The following CMTR1 variants were observed in gnomAD, a reference collection of about 807,000 sequenced individuals.
The protein encoded by CMTR1 is cap-specific mRNA (nucleoside-2'-O-)-methyltransferase 1.
In CMTR1, 39 loss-of-function variants were observed where a neutral mutation model predicts 107.0. The observed-to-expected ratio is 0.36, with a 90% CI of 0.28 to 0.48. CMTR1 has a LOEUF of 0.48. CMTR1 is among the 20% of genes least tolerant of loss of function. CMTR1 has a pLI of 0.99. For synonymous variants in CMTR1, 366 were observed against 379.5 expected (o/e 0.96, Z 0.41); for missense variants, 672 against 1,064.9 (o/e 0.63, Z 5.14).
intron 5 of CMTR1, among the ~76,000 whole-genome samples, chr6:37,451,305 A>G (rs960250190): frequency 1.3e-5 from 2 of 152,174 alleles, no homozygotes; most frequent in Non-Finnish European, 2.9e-5. Flanking sequence ...TTACTGGTTT[A>G]GAGGTGGCTT....
At chr6:37,452,540 C>T (rs1486360436) in intron 6 of CMTR1, among the ~76,000 whole-genome samples, 1 of 152,100 alleles carries the variant, frequency 6.6e-6, no homozygotes, top group Non-Finnish European at 1.5e-5. Context: ...GACTGGAGCT[C>T]AGGTAATGTG....
At position 37,478,573 on chromosome 6, in the gene CMTR1, G is replaced by A. The variant is rs755571434; in HGVS notation, c.2266+52G>A. 28 of 1,444,662 alleles carry A rather than the reference G, an allele frequency of 1.9e-5. No individual in the cohort carries two copies. The East Asian group carries it at 3.4e-4, about 18-fold the overall frequency. 89.5% of individuals were successfully genotyped at this position (1,444,662 alleles called of 1,614,324 possible). On this transcript the variant is annotated intron_variant, in intron 22 of 23. Coordinates refer to ENST00000373451, the MANE Select transcript of CMTR1 (RefSeq NM_015050.3). ...ATCCCCTCCCCTCTCCCCTCTCCTCGCCAGGTGATGGGTCCAGACCCTACC... is the reference window on the plus strand; with the variant it reads ...ATCCCCTCCCCTCTCCCCTCTCCTCACCAGGTGATGGGTCCAGACCCTACC...
At chr6:37,468,571 C>A (rs769753336) in intron 13 of CMTR1, among the ~76,000 whole-genome samples, 1 of 152,180 alleles carries the variant, frequency 6.6e-6, no homozygotes, top group Non-Finnish European at 1.5e-5. Flanking sequence ...GAGACTAATT[C>A]CCTGCTTTTG....
intron 13 of CMTR1, among the ~76,000 whole-genome samples, chr6:37,467,757 T>C (rs1246995495): frequency 6.6e-6 from 1 of 152,240 alleles, no homozygotes. Context: ...CTGCTTTATC[T>C]GACATTAGTA....
chr6:37,475,429 A>G lies in CMTR1; in HGVS notation c.2036+17A>G, dbSNP rs575378034. On this transcript the variant is annotated intron_variant, in intron 19 of 23. Coordinates refer to ENST00000373451, the MANE Select transcript of CMTR1 (RefSeq NM_015050.3). ...TAACCAGCGGTCTGACCTGGGCCCC[A>G]GGGTAGGGAGGGTGGGGGTAGGCCA... is the stretch of plus-strand genomic sequence containing the variant. 4.5e-4 allele frequency: 405 copies of G among 907,158 alleles called. No individual in the cohort carries two copies. The East Asian group carries it at 5.4e-3, about 12-fold the overall frequency. The allele number at this position is 907,158 out of a possible 1,614,324, so 56.2% of individuals were successfully genotyped here. A position where few individuals can be genotyped will look rare whatever the true frequency, so the allele number is the denominator to read the frequency against.
rs146218786 is a variant in CMTR1 at position 37,476,138 on chromosome 6, C to T, written c.2049C>T (p.Ala683=). ...EQHFNQRIQL[A]EKFVKAVSKP... ...GTTTGGATTGTAGAATTCAGCTTGC[C>T]GAGAAATTTGTGAAAGCCGTTTCCA... Residue 683 remains alanine, a synonymous_variant, in exon 20 of 24, where the codon GCC becomes GCT. Transcript: ENST00000373451. 2.2e-5 allele frequency: 36 copies of T among 1,613,974 alleles called. No individual in the cohort carries two copies. Among genetic ancestry groups the T allele is most frequent in the South Asian group, 7.7e-5 (7 of 91,062 alleles).
At chr6:37,433,151 GGGGCCGGGAC>G, upstream of CMTR1, 1 of 152,532 alleles carries the variant, frequency 6.6e-6, no homozygotes. Flanking sequence ...TGCCTTTCCC[GGGGCCGGGAC>G]CCGGCCGGGG....
At position 37,472,992 on chromosome 6, in the gene CMTR1, A is replaced by G. The variant is rs1157713637; in HGVS notation, c.1690-478A>G. Among the ~76,000 whole-genome samples the G allele has an allele frequency of 6.6e-6, 1 of 152,132 alleles. No homozygotes were observed. Among genetic ancestry groups the G allele is most frequent in the African/African-American group, 2.4e-5 (1 of 41,430 alleles). On this transcript the variant is annotated intron_variant, in intron 16 of 23. Transcript: ENST00000373451. This position sits in a 1 kb window ranked among gnomAD's most constrained non-coding sequence, Gnocchi z 4.1. ...CAGCTTTTACTTGGGCCTCATTTAA[A>G]TCTGTCCCAGATCATGGGCAATTGT...
chr6:37,470,882 G>A (rs1202115207), intron 13 of CMTR1, 139 bp from the exon 14 acceptor site: 7 of 589,764 alleles, frequency 1.2e-5, no homozygotes, highest in Non-Finnish European at 1.7e-5. Flanking sequence ...GTGGGGTAGG[G>A]GTGTGGGTTT....
At chr6:37,434,080 C>T (rs1016859529) in intron 1 of CMTR1, among the ~76,000 whole-genome samples, 2 of 152,128 alleles carry the variant, frequency 1.3e-5, no homozygotes, top group African/African-American at 4.8e-5. Context: ...GATGAGCCTT[C>T]CTTTATCTCA....
intron 3 of CMTR1, among the ~76,000 whole-genome samples, chr6:37,445,772 C>G (rs1253154930): frequency 6.6e-6 from 1 of 151,980 alleles, no homozygotes; most frequent in East Asian, 1.9e-4. Flanking sequence ...GGATTACAGA[C>G]TTGAGCCACC....
At chr6:37,444,982 C>T (rs1187783813) in intron 3 of CMTR1, among the ~76,000 whole-genome samples, 3 of 152,086 alleles carry the variant, frequency 2.0e-5, no homozygotes, top group African/African-American at 7.2e-5. Flanking sequence ...GCTGAGATCA[C>T]GCCACTGCAC....
chr6:37,437,444 G>T (rs372246491), intron 2 of CMTR1, among the ~76,000 whole-genome samples: 78 of 148,578 alleles, frequency 5.2e-4, no homozygotes, highest in African/African-American at 1.3e-3. Flanking sequence ...GGAGAATGGC[G>T]TGAACCCGGG....
chr6:37,453,326 T>C lies in CMTR1; in HGVS notation c.777+14T>C, dbSNP rs768362059. On this transcript the variant is annotated intron_variant, in intron 8 of 23. Coordinates refer to ENST00000373451, the MANE Select transcript of CMTR1 (RefSeq NM_015050.3). Reference sequence around the variant, plus strand: ...GACTCTTATGGGGTGAGAACAAGATTCTGCTTCTGAATTCATGGTGCTAAG... The same window carrying C: ...GACTCTTATGGGGTGAGAACAAGATCCTGCTTCTGAATTCATGGTGCTAAG... 6.0e-5 allele frequency: 96 copies of C among 1,612,492 alleles called. 2 individuals are homozygous for C. The South Asian group carries it at 1.0e-3, about 18-fold the overall frequency.
intron 3 of CMTR1, among the ~76,000 whole-genome samples, chr6:37,445,753 A>G (rs780055322): frequency 1.3e-5 from 2 of 150,290 alleles, no homozygotes; most frequent in Admixed American, 1.5e-4. Flanking sequence ...TCGGCCTCCC[A>G]AAGTGCTGGG....
intron 3 of CMTR1, among the ~76,000 whole-genome samples, chr6:37,445,362 C>T (rs1178947796): frequency 6.6e-6 from 1 of 151,944 alleles, no homozygotes; most frequent in Non-Finnish European, 1.5e-5. Context: ...GGATTCAAGT[C>T]TCTAATCTTT....
At chr6:37,470,712 T>C (rs1761606301) in intron 13 of CMTR1, among the ~76,000 whole-genome samples, 1 of 152,226 alleles carries the variant, frequency 6.6e-6, no homozygotes, top group South Asian at 2.1e-4. Flanking sequence ...TAGTCTATAG[T>C]TGAACTGAAT....
chr6:37,459,554 G>A lies in CMTR1; in HGVS notation c.977-12G>A. The A allele has an allele frequency of 6.2e-7, 1 of 1,610,362 alleles. No individual in the cohort carries two copies. Among genetic ancestry groups the A allele is most frequent in the Non-Finnish European group, 8.5e-7 (1 of 1,176,568 alleles). On this transcript the variant is annotated splice_polypyrimidine_tract_variant and intron_variant, in intron 9 of 23. Coordinates refer to ENST00000373451, the MANE Select transcript of CMTR1 (RefSeq NM_015050.3). ...GGCAGATGAACTCACTATGACTCTT[G>A]TATTCTGACAGGTGAGGGTGGGATT...
intron 4 of CMTR1, among the ~76,000 whole-genome samples, chr6:37,448,703 T>C (rs1488415014): frequency 4.4e-4 from 67 of 152,220 alleles, no homozygotes; most frequent in Non-Finnish European, 5.9e-5. Context: ...TCACATTGCT[T>C]CAATTTGCAA....
Sources: gnomAD v4.1 joint callset for allele counts (sites outside exome capture counted in the v4.1 genomes callset) on GRCh38, gnomAD v4.1.1 for gene constraint, Gnocchi (gnomAD v3.1) non-coding constraint, MANE v1.5 for transcripts, NCBI Gene and HGNC (gene_info 2026-07-23, HGNC 2026-07-21) for gene names.